Variants in KIAA1328 observed in about 807,000 individuals in gnomAD.
KIAA1328 encodes the protein KIAA1328, also known as protein hinderin.
KIAA1328 carries 52 observed loss-of-function variants against 68.1 expected under a neutral mutation model. The ratio of observed to expected loss-of-function variants is 0.76; its 90% confidence interval spans 0.61 to 0.96. The LOEUF is 0.96. KIAA1328 is among the 40% of genes least tolerant of loss of function. The pLI is 0.00. For synonymous variants in KIAA1328, 232 were observed against 239.4 expected (o/e 0.97, Z 0.28); for missense variants, 641 against 677.6 (o/e 0.95, Z 0.60).
intron 9 of KIAA1328, among the ~76,000 whole-genome samples, chr18:37,192,782 C>A (rs1162259839): frequency 6.6e-6 from 1 of 152,150 alleles, no homozygotes; most frequent in Non-Finnish European, 1.5e-5. Flanking sequence ...TATCTAACAT[C>A]ATAATTTCAC....
At chr18:37,042,028 G>A (rs1368120620) in intron 6 of KIAA1328, among the ~76,000 whole-genome samples, 1 of 151,982 alleles carries the variant, frequency 6.6e-6, no homozygotes, top group African/African-American at 2.4e-5. Flanking sequence ...CTACAGGCAT[G>A]CACCACCACA....
At chr18:37,066,507 TG>T (rs11290483) in intron 6 of KIAA1328, among the ~76,000 whole-genome samples, 15,555 of 152,172 alleles carry the variant, frequency 0.1, 2,676 homozygotes, top group African/African-American at 0.35. Context: ...TTAAAGTGAC[TG>T]AATGGATTCC....
chr18:37,202,692 C>G (rs1278245311), intron 9 of KIAA1328, among the ~76,000 whole-genome samples: 3 of 151,962 alleles, frequency 2.0e-5, no homozygotes, highest in Non-Finnish European at 2.9e-5. Context: ...TGACATATAC[C>G]AAGACATATC....
intron 5 of KIAA1328, among the ~76,000 whole-genome samples, chr18:36,887,865 A>C (rs1233552324): frequency 6.6e-6 from 1 of 152,156 alleles, no homozygotes; most frequent in Non-Finnish European, 1.5e-5. Context: ...ATACAGTGGA[A>C]TTGGGATGAG....
chr18:36,944,820 A>G (rs1478478024), intron 5 of KIAA1328, among the ~76,000 whole-genome samples: 1 of 152,232 alleles, frequency 6.6e-6, no homozygotes, highest in East Asian at 1.9e-4. Flanking sequence ...TGTTACATTT[A>G]ACAATTAATA....
chr18:37,031,164 G>A (rs2054812343), intron 6 of KIAA1328, among the ~76,000 whole-genome samples: 1 of 152,182 alleles, frequency 6.6e-6, no homozygotes, highest in African/African-American at 2.4e-5. Context: ...TGTCTTTATA[G>A]TAGCATGATT....
chr18:36,880,465 C>T (rs949638563), intron 4 of KIAA1328, among the ~76,000 whole-genome samples: 3 of 152,180 alleles, frequency 2.0e-5, no homozygotes, highest in African/African-American at 7.2e-5. Context: ...TTCTATTTGG[C>T]CATCTTGCCT....
chr18:37,164,968 T>C (rs1016696371), intron 8 of KIAA1328, among the ~76,000 whole-genome samples: 1 of 152,146 alleles, frequency 6.6e-6, no homozygotes, highest in East Asian at 1.9e-4. Context: ...ATCCTCATAC[T>C]CTTTTCTAGT....
intron 6 of KIAA1328, among the ~76,000 whole-genome samples, chr18:36,968,395 G>A (rs1009834523): frequency 1.6e-4 from 25 of 151,972 alleles, no homozygotes; most frequent in Admixed American, 1.1e-3. Flanking sequence ...AGTGACACCC[G>A]TAGGCTAAAA....
chr18:37,113,574 T>C (rs560905445), intron 7 of KIAA1328, among the ~76,000 whole-genome samples: 22 of 152,306 alleles, frequency 1.4e-4, no homozygotes, highest in African/African-American at 4.8e-4. Context: ...GTAAAGACCA[T>C]TGATGCTAGG....
At chr18:37,023,462 T>G (rs1424228005) in intron 6 of KIAA1328, among the ~76,000 whole-genome samples, 1 of 152,150 alleles carries the variant, frequency 6.6e-6, no homozygotes, top group African/African-American at 2.4e-5. Flanking sequence ...TAGAAGATCT[T>G]CGTATTTTTT....
chr18:37,025,740 T>A (rs1312515036), intron 6 of KIAA1328, among the ~76,000 whole-genome samples: 1 of 152,088 alleles, frequency 6.6e-6, no homozygotes, highest in Non-Finnish European at 1.5e-5. Context: ...AGAGGGAAAT[T>A]TATAGCACTA....
At chr18:37,102,657 T>C (rs1485587579) in intron 7 of KIAA1328, among the ~76,000 whole-genome samples, 1 of 152,132 alleles carries the variant, frequency 6.6e-6, no homozygotes, top group Non-Finnish European at 1.5e-5. Flanking sequence ...GTCTTTCCAC[T>C]AAACCTGGAA....
chr18:36,938,535 C>T (rs1052745814), intron 5 of KIAA1328, among the ~76,000 whole-genome samples: 3 of 152,046 alleles, frequency 2.0e-5, no homozygotes, highest in Non-Finnish European at 4.4e-5. Context: ...CTATTTTCTC[C>T]CAGTCTGTGG....
intron 7 of KIAA1328, among the ~76,000 whole-genome samples, chr18:37,093,160 A>C (rs1044493954): frequency 6.6e-6 from 1 of 152,222 alleles, no homozygotes; most frequent in Non-Finnish European, 1.5e-5. Context: ...CTTTTCTTAT[A>C]AAAGTGAACC....
chr18:37,028,815 A>G (rs1455717708), intron 6 of KIAA1328, among the ~76,000 whole-genome samples: 4 of 152,212 alleles, frequency 2.6e-5, no homozygotes, highest in East Asian at 3.9e-4. Flanking sequence ...TATGTGATGA[A>G]TCGTATGTAT....
chr18:37,130,304 A>G (rs1044951971), intron 7 of KIAA1328, among the ~76,000 whole-genome samples: 2 of 152,190 alleles, frequency 1.3e-5, no homozygotes, highest in Non-Finnish European at 2.9e-5. Flanking sequence ...TACTTTTTAA[A>G]TGATTTACCA....
chr18:36,887,084 G>A (rs1366354472), intron 5 of KIAA1328, among the ~76,000 whole-genome samples: 4 of 150,458 alleles, frequency 2.7e-5, no homozygotes, highest in East Asian at 3.9e-4. Context: ...TACATCTCTA[G>A]CATTTGGATA....
chr18:37,201,010 C>A (rs1191188085), intron 9 of KIAA1328, among the ~76,000 whole-genome samples: 1 of 152,000 alleles, frequency 6.6e-6, no homozygotes, highest in Non-Finnish European at 1.5e-5. Flanking sequence ...AGTCCCATCC[C>A]AAGTCAAGGG....
Sources: gnomAD v4.1 joint callset for allele counts (sites outside exome capture counted in the v4.1 genomes callset) on GRCh38, gnomAD v4.1.1 for gene constraint, MANE v1.5 for transcripts, NCBI Gene and HGNC (gene_info 2026-07-23, HGNC 2026-07-21) for gene names.